Variants in GUCY1B1 observed in about 807,000 individuals in gnomAD.
GUCY1B1 encodes guanylate cyclase 1 soluble subunit beta 1.
GUCY1B1 carries 43 observed loss-of-function variants against 71.0 expected under a neutral mutation model. That is an observed-to-expected ratio of 0.61 (90% confidence interval 0.47 to 0.78). The LOEUF (loss-of-function observed/expected upper bound fraction) is 0.78, where lower values mean the gene tolerates loss of function less well. Among genes scored for constraint, GUCY1B1 ranks in the 30% least tolerant of loss-of-function variants. The probability of loss-of-function intolerance (pLI) is 0.00; values close to 1 mark genes in which losing one functional copy is unlikely to be tolerated. For synonymous variants in GUCY1B1, 266 were observed against 259.7 expected (o/e 1.02, Z -0.23); for missense variants, 535 against 754.1 (o/e 0.71, Z 3.40).
chr4:155,772,170 C>G (rs573802732), intron 2 of GUCY1B1, among the ~76,000 whole-genome samples: 1 of 152,026 alleles, frequency 6.6e-6, no homozygotes, highest in Non-Finnish European at 1.5e-5. Flanking sequence ...TTGAGGTCTT[C>G]GAAGAGTTGT....
At chr4:155,801,534 A>C (rs1379229627) in intron 9 of GUCY1B1, among the ~76,000 whole-genome samples, 1 of 152,246 alleles carries the variant, frequency 6.6e-6, no homozygotes, top group Non-Finnish European at 1.5e-5. Context: ...TAGGAAAAAC[A>C]TTGAGAGCTC....
intron 2 of GUCY1B1, among the ~76,000 whole-genome samples, 176 bp from the exon 3 acceptor site, chr4:155,774,792 C>T (rs528083598): frequency 3.3e-5 from 5 of 152,214 alleles, no homozygotes; most frequent in African/African-American, 1.2e-4. Context: ...GATATGACAT[C>T]ATTTCTGCTC....
intron 2 of GUCY1B1, among the ~76,000 whole-genome samples, chr4:155,771,859 A>G (rs1195027212): frequency 6.6e-6 from 1 of 152,202 alleles, no homozygotes; most frequent in Non-Finnish European, 1.5e-5. Flanking sequence ...AAGTATAATT[A>G]TGATATGAAA....
chr4:155,802,827 C>T lies in GUCY1B1; in HGVS notation c.1413+248C>T, dbSNP rs893704519. Among the ~76,000 whole-genome samples the T allele has an allele frequency of 6.6e-6, 1 of 152,162 alleles. No individual in the cohort carries two copies. Among genetic ancestry groups the T allele is most frequent in the African/African-American group, 2.4e-5 (1 of 41,434 alleles). On this transcript the variant is annotated intron_variant, in intron 10 of 13. Transcript: ENST00000264424. The surrounding 1 kb of genome is among the most constrained non-coding windows in gnomAD (Gnocchi z 4.3). Reference sequence around the variant, plus strand: ...TCCCTGGTTAAAATGAAATGTTCACCATCTTATTTGCACTTAGGCTAACAA... The same window carrying T: ...TCCCTGGTTAAAATGAAATGTTCACTATCTTATTTGCACTTAGGCTAACAA...
intron 5 of GUCY1B1, among the ~76,000 whole-genome samples, chr4:155,792,499 A>G (rs915590921): frequency 6.6e-6 from 1 of 152,192 alleles, no homozygotes; most frequent in Admixed American, 6.5e-5. Flanking sequence ...ATATTTAACC[A>G]GTATAGTAAG....
In GUCY1B1 at chr4:155,793,893, A is replaced by G. The variant is rs1739355044; in HGVS notation, c.533A>G (p.Gln178Arg). ...QQRNEECDHT[Q>R]FLIEEKESKE... ...AGAAATGAAGAATGTGATCATACTC[A>G]ATTTTTAATTGAAGAAAAAGAGTCA... Residue 178 changes from glutamine (Q) to arginine (R), a missense_variant, in exon 6 of 14, where the codon CAA (glutamine) becomes CGA (arginine). Physicochemically the swap from Gln to Arg is conservative, Grantham distance 43. Transcript: ENST00000264424. 1.2e-5 allele frequency: 19 copies of G among 1,567,658 alleles called. No individual in the cohort carries two copies. The highest frequency in any genetic ancestry group is 1.6e-5 in the Non-Finnish European group (18 of 1,137,664).
At chr4:155,789,653 C>A in intron 4 of GUCY1B1, 61 bp from the exon 5 acceptor site, 2 of 967,268 alleles carry the variant, frequency 2.1e-6, no homozygotes, top group East Asian at 2.4e-5. Context: ...TCTTGCTTTC[C>A]CAGAGTCTGC....
At chr4:155,761,539 T>C (rs1415639271) in intron 2 of GUCY1B1, among the ~76,000 whole-genome samples, 1 of 152,168 alleles carries the variant, frequency 6.6e-6, no homozygotes, top group African/African-American at 2.4e-5. Context: ...CCATTATCAG[T>C]TTAGATCACT....
chr4:155,782,073 T>A (rs941542509), intron 4 of GUCY1B1, among the ~76,000 whole-genome samples: 1 of 151,324 alleles, frequency 6.6e-6, no homozygotes, highest in African/African-American at 2.4e-5. Flanking sequence ...TTTTTAATGT[T>A]TTATTATTAT....
At chr4:155,772,868 A>G in intron 2 of GUCY1B1, 1 of 693,586 alleles carries the variant, frequency 1.4e-6, no homozygotes, top group South Asian at 1.5e-5. Flanking sequence ...AGGCAAATAA[A>G]TTATAAGCTC....
In GUCY1B1 at chr4:155,759,812, A is replaced by C; in HGVS notation, c.29A>C (p.Glu10Ala). The C allele has an allele frequency of 6.2e-7, 1 of 1,612,876 alleles. No individual in the cohort carries two copies. Among genetic ancestry groups the C allele is most frequent in the Non-Finnish European group, 8.5e-7 (1 of 1,179,298 alleles). MYGFVNHAL[E>A]LLVIRNYGPE... ...TACGGATTTGTGAATCACGCCCTGG[A>C]GTTGCTGGTGATCCGCAATTACGGC... The change falls in exon 2 of 14, where the codon GAG becomes GCG. Residue 10 changes from glutamate (E) to alanine (A), a missense_variant. By Grantham distance (107) the Glu-to-Ala change is moderately radical (BLOSUM62 -1). Transcript: ENST00000264424.
chr4:155,796,265 G>A (rs1739548366), intron 7 of GUCY1B1, 112 bp from the exon 8 acceptor site: 1 of 943,614 alleles, frequency 1.1e-6, no homozygotes, highest in South Asian at 1.6e-5. Context: ...TTCTAATGAT[G>A]CACTTATTCT....
intron 4 of GUCY1B1, among the ~76,000 whole-genome samples, chr4:155,787,914 T>G (rs908456940): frequency 3.9e-5 from 6 of 152,242 alleles, no homozygotes; most frequent in African/African-American, 1.4e-4. Flanking sequence ...AATTTTGGCA[T>G]ATCTCCAGTA....
chr4:155,782,549 A>T (rs1738507183), intron 4 of GUCY1B1, among the ~76,000 whole-genome samples: 1 of 152,168 alleles, frequency 6.6e-6, no homozygotes, highest in African/African-American at 2.4e-5. Context: ...CTAATGTCCT[A>T]TTGCATTATG....
intron 4 of GUCY1B1, 45 bp from the exon 5 acceptor site, chr4:155,789,669 T>C (rs1739026068): frequency 8.9e-7 from 1 of 1,120,040 alleles, no homozygotes; most frequent in Non-Finnish European, 1.3e-6. Context: ...TCTGCTGTCA[T>C]TGCGAAAGCA....
chr4:155,806,280 A>T, intron 13 of GUCY1B1, 106 bp from the exon 14 acceptor site: 3 of 675,304 alleles, frequency 4.4e-6, no homozygotes, highest in Non-Finnish European at 7.8e-6. Context: ...GAAACTGTAG[A>T]TGTGAACGTG....
chr4:155,778,066 T>G (rs1426307128), intron 4 of GUCY1B1, among the ~76,000 whole-genome samples: 2 of 152,214 alleles, frequency 1.3e-5, no homozygotes, highest in Non-Finnish European at 2.9e-5. Flanking sequence ...ATTTATGAAG[T>G]TCTACCTGGA....
intron 6 of GUCY1B1, among the ~76,000 whole-genome samples, chr4:155,794,860 G>A (rs1026438321): frequency 4.6e-5 from 7 of 152,084 alleles, no homozygotes; most frequent in Non-Finnish European, 7.4e-5. Context: ...GTTCTGGCAT[G>A]AGAATAGAAA....
intron 2 of GUCY1B1, among the ~76,000 whole-genome samples, chr4:155,774,504 G>A (rs1230195814): frequency 6.6e-6 from 1 of 152,050 alleles, no homozygotes; most frequent in Admixed American, 6.6e-5. Flanking sequence ...ACCATTATAT[G>A]TTATTTATTA....
Sources: allele counts gnomAD v4.1 joint callset (sites outside exome capture counted in the v4.1 genomes callset), GRCh38; gene constraint gnomAD v4.1.1; non-coding constraint Gnocchi (gnomAD v3.1); transcripts MANE v1.5; gene names NCBI Gene and HGNC (gene_info 2026-07-23, HGNC 2026-07-21).